Variants in MICU3 observed in about 807,000 individuals in gnomAD.
MICU3 encodes the protein calcium uptake protein 3, mitochondrial.
Under a neutral mutation model 66.5 loss-of-function variants are expected in MICU3, and 62 were observed. The ratio of observed to expected loss-of-function variants is 0.93; its 90% confidence interval spans 0.76 to 1.15. MICU3 has a LOEUF of 1.15. Among genes scored for constraint, MICU3 ranks in the 50% most tolerant of loss-of-function variants. The probability of loss-of-function intolerance (pLI) is 0.00; values close to 1 mark genes in which losing one functional copy is unlikely to be tolerated. For missense variants in MICU3, 779 were observed against 664.4 expected, an observed-to-expected ratio of 1.17 and a Z score of -1.90; for synonymous variants, 308 against 240.7, an observed-to-expected ratio of 1.28 and a Z score of -2.59.
chr8:17,112,431 C>T (rs545266648), intron 11 of MICU3, among the ~76,000 whole-genome samples: 1 of 152,294 alleles, frequency 6.6e-6, no homozygotes, highest in South Asian at 2.1e-4. Flanking sequence ...AATGGCCACA[C>T]CCCTTTTGTC....
At chr8:17,136,287 C>T in the MICU3 span, among the ~76,000 whole-genome samples, 5 of 151,964 alleles carry the variant, frequency 3.3e-5, no homozygotes, top group African/African-American at 4.8e-5. Context: ...GTATGAATCA[C>T]GGACAGCAAC....
chr8:17,041,703 G>T (rs562074372), intron 1 of MICU3, among the ~76,000 whole-genome samples: 1 of 152,158 alleles, frequency 6.6e-6, no homozygotes, highest in Non-Finnish European at 1.5e-5. Context: ...ACCCAGGTGG[G>T]AGTAGGAGAT....
At chr8:17,049,622 C>T (rs183149973) in intron 1 of MICU3, 47 of 518,522 alleles carry the variant, frequency 9.1e-5, no homozygotes, top group African/African-American at 2.5e-4. Context: ...GAACGTAGGC[C>T]GGAAGGATTG....
intron 2 of MICU3, among the ~76,000 whole-genome samples, chr8:17,064,780 TG>T (rs1818431720): frequency 6.6e-6 from 1 of 152,202 alleles, no homozygotes; most frequent in Non-Finnish European, 1.5e-5. Context: ...TGTTATAATA[TG>T]TTGTTTTCCA....
rs1269617413 is a variant in MICU3, at chr8:17,121,672, T to C, written c.*1385T>C. ...TTTTTATAAGTTATTAAATGTGAAA[T>C]TGATCTGCATCAGCTTATTTATAAA... is the stretch of plus-strand genomic sequence containing the variant. On this transcript the variant is annotated 3_prime_UTR_variant, in exon 15 of 15. Transcript: ENST00000318063. 1 of 152,310 alleles carries C rather than the reference T, an allele frequency of 6.6e-6. No homozygotes were observed. The highest frequency in any genetic ancestry group is 1.5e-5 in the Non-Finnish European group (1 of 67,748). The allele number at this position is 152,310 out of a possible 1,614,324, so 9.4% of individuals were successfully genotyped here.
chr8:17,062,559 T>C (rs987854828), intron 1 of MICU3, among the ~76,000 whole-genome samples: 2 of 152,202 alleles, frequency 1.3e-5, no homozygotes, highest in African/African-American at 4.8e-5. Flanking sequence ...AATAAAGTAG[T>C]ATTCTTGCCA....
At chr8:17,045,834 C>T (rs923692073) in intron 1 of MICU3, among the ~76,000 whole-genome samples, 1 of 152,134 alleles carries the variant, frequency 6.6e-6, no homozygotes, top group African/African-American at 2.4e-5. Flanking sequence ...CAGGGGAACT[C>T]CCCTTTATAA....
At chr8:17,075,787 A>T (rs1410902374) in intron 3 of MICU3, among the ~76,000 whole-genome samples, 1 of 152,066 alleles carries the variant, frequency 6.6e-6, no homozygotes, top group African/African-American at 2.4e-5. Flanking sequence ...ATGCATAATG[A>T]GGATTGTTTT....
chr8:17,050,854 A>G (rs553221369), intron 1 of MICU3, among the ~76,000 whole-genome samples: 1 of 152,150 alleles, frequency 6.6e-6, no homozygotes, highest in South Asian at 2.1e-4. Flanking sequence ...CTCTTTTTCA[A>G]TGGGGGGGTT....
chr8:17,093,093 G>A (rs566608809), intron 8 of MICU3, among the ~76,000 whole-genome samples: 1 of 152,086 alleles, frequency 6.6e-6, no homozygotes, highest in South Asian at 2.1e-4. Flanking sequence ...GTAAAACTGA[G>A]CATACACCTT....
intron 5 of MICU3, 125 bp from the exon 6 acceptor site, chr8:17,085,111 C>T (rs921121245): frequency 3.7e-6 from 2 of 534,924 alleles, no homozygotes; most frequent in East Asian, 2.9e-5. Flanking sequence ...AATATATATA[C>T]TTTTATACGC....
At chr8:17,130,558 G>C in the MICU3 span, among the ~76,000 whole-genome samples, 11 of 152,016 alleles carry the variant, frequency 7.2e-5, 1 homozygote, top group Admixed American at 6.6e-4. Context: ...TCTTTAAAAT[G>C]AAAATAATGC....
chr8:17,085,172 T>A (rs898733950), intron 5 of MICU3, 64 bp from the exon 6 acceptor site: 3 of 1,083,150 alleles, frequency 2.8e-6, no homozygotes, highest in African/African-American at 1.6e-5. Context: ...ACAACTAATA[T>A]GGATTTTGTA....
intron 3 of MICU3, among the ~76,000 whole-genome samples, chr8:17,071,857 A>G (rs986005783): frequency 6.6e-6 from 1 of 152,172 alleles, no homozygotes; most frequent in Admixed American, 6.5e-5. Context: ...AGCAATGCCT[A>G]ACAGAAGATG....
At chr8:17,043,530 C>T (rs1814567660) in intron 1 of MICU3, among the ~76,000 whole-genome samples, 1 of 152,134 alleles carries the variant, frequency 6.6e-6, no homozygotes, top group South Asian at 2.1e-4. Flanking sequence ...TGGACTAGGG[C>T]TTGTGGTGAA....
At chr8:17,061,615 G>A (rs6990884) in intron 1 of MICU3, among the ~76,000 whole-genome samples, 2,347 of 152,194 alleles carry the variant, frequency 0.015, 58 homozygotes, top group African/African-American at 0.052. Context: ...CAGAAACAGT[G>A]GGAGCTCCAG....
chr8:17,036,990 A>T (rs1383369246), intron 1 of MICU3, among the ~76,000 whole-genome samples: 1 of 152,214 alleles, frequency 6.6e-6, no homozygotes, highest in Admixed American at 6.5e-5. Context: ...CTCGGCGAGA[A>T]ATCGAGCGCA....
At chr8:17,039,831 T>C (rs1237825834) in intron 1 of MICU3, among the ~76,000 whole-genome samples, 2 of 151,682 alleles carry the variant, frequency 1.3e-5, no homozygotes, top group Non-Finnish European at 2.9e-5. Flanking sequence ...TGTAATATTT[T>C]GATATGTGTA....
At chr8:17,094,646 A>T (rs1032095120) in intron 8 of MICU3, among the ~76,000 whole-genome samples, 4 of 149,282 alleles carry the variant, frequency 2.7e-5, no homozygotes, top group East Asian at 1.9e-4. Flanking sequence ...GGTTCATTTT[A>T]AAAAAAAAAT....
Sources: gnomAD v4.1 joint callset for allele counts (sites outside exome capture counted in the v4.1 genomes callset) on GRCh38, gnomAD v4.1.1 for gene constraint, MANE v1.5 for transcripts, NCBI Gene and HGNC (gene_info 2026-07-23, HGNC 2026-07-21) for gene names.